The following BTBD8 variants were observed in gnomAD, a reference collection of about 807,000 sequenced individuals.
BTBD8 encodes BTB domain containing 8.
A neutral mutation model predicts 162.9 loss-of-function variants in BTBD8; 110 were observed. The ratio of observed to expected loss-of-function variants is 0.68; its 90% CI spans 0.58 to 0.79. BTBD8 has a LOEUF of 0.79. BTBD8 is among the 30% of genes least tolerant of loss of function. BTBD8 has a pLI of 0.00. For missense variants in BTBD8, 1,905 were observed against 2,085.4 expected (o/e 0.91, Z 1.68); for synonymous variants, 667 against 716.1 (o/e 0.93, Z 1.10).
rs77866390 is a variant in BTBD8, at chr1:92,168,457, A to G, written c.1444-409A>G. Among the ~76,000 whole-genome samples, 166 of 152,322 alleles carry G rather than the reference A, an allele frequency of 1.1e-3. 1 individual carries two copies. In the East Asian group the frequency reaches 0.031, roughly 28 times the overall value. On this transcript the variant is annotated intron_variant, in intron 11 of 17. Coordinates refer to ENST00000636805, the MANE Select transcript of BTBD8 (RefSeq NM_001376131.1). ...GCAAAATTAAAATATTTATTTTTAA[A>G]TACAATTAATCAGTGGCCATTAATT... is the stretch of plus-strand genomic sequence containing the variant.
chr1:92,117,992 G>T (rs917519658), intron 4 of BTBD8, among the ~76,000 whole-genome samples: 1 of 151,932 alleles, frequency 6.6e-6, no homozygotes, highest in Admixed American at 6.6e-5. Flanking sequence ...TTTTTTCTTA[G>T]TTGGCCTTAT....
intron 9 of BTBD8, among the ~76,000 whole-genome samples, chr1:92,163,339 AGAG>A (rs1259420749): frequency 2.6e-4 from 5 of 19,194 alleles, no homozygotes; most frequent in African/African-American, 8.4e-4. Flanking sequence ...TGGGCAACAG[AGAG>A]AGATTCTGTC....
chr1:92,115,207 C>A, intron 4 of BTBD8: 1 of 513,222 alleles, frequency 1.9e-6, no homozygotes, highest in African/African-American at 2.0e-5. Context: ...CTGGAGAGCC[C>A]CATAGCCATC....
intron 17 of BTBD8, 24 bp downstream of exon 17, chr1:92,182,619 TA>T: frequency 1.5e-6 from 2 of 1,359,352 alleles, no homozygotes; most frequent in Non-Finnish European, 1.9e-6. Flanking sequence ...ATAGAAATGC[TA>T]AATGCATAAG....
At chr1:92,110,292 T>C (rs537783806) in intron 4 of BTBD8, among the ~76,000 whole-genome samples, 1 of 152,308 alleles carries the variant, frequency 6.6e-6, no homozygotes, top group Admixed American at 6.5e-5. Flanking sequence ...TTTAATTCCA[T>C]GTCCACCATT....
At chr1:92,089,761 C>T (rs945488840) in intron 2 of BTBD8, among the ~76,000 whole-genome samples, 1 of 152,160 alleles carries the variant, frequency 6.6e-6, no homozygotes, top group Non-Finnish European at 1.5e-5. Flanking sequence ...CTCTTCATAC[C>T]ACCACATTGG....
At chr1:92,115,114 C>T (rs143308588) in intron 4 of BTBD8, 12 of 455,950 alleles carry the variant, frequency 2.6e-5, no homozygotes, top group East Asian at 2.3e-4. Flanking sequence ...TGAAAGGCCA[C>T]GCCATTGAGC....
chr1:92,166,417 TTTC>T (rs1384485438), intron 9 of BTBD8, among the ~76,000 whole-genome samples: 4 of 111,760 alleles, frequency 3.6e-5, no homozygotes, highest in Non-Finnish European at 7.3e-5. Context: ...CTACTTTTCT[TTTC>T]TTTCTTTTTT....
intron 9 of BTBD8, among the ~76,000 whole-genome samples, chr1:92,160,942 C>G (rs138629031): frequency 6.8e-4 from 104 of 152,296 alleles, no homozygotes; most frequent in South Asian, 1.7e-3. Context: ...AATCAGTCAT[C>G]TAGGCAACCC....
intron 4 of BTBD8, among the ~76,000 whole-genome samples, chr1:92,123,268 A>G (rs1649264984): frequency 6.6e-6 from 1 of 152,200 alleles, no homozygotes; most frequent in Admixed American, 6.5e-5. Context: ...AAGTGACATC[A>G]TGTTGCCTGA....
intron 3 of BTBD8, among the ~76,000 whole-genome samples, chr1:92,106,656 GTC>G (rs1648734501): frequency 2.5e-5 from 1 of 40,560 alleles, no homozygotes; most frequent in African/African-American, 1.2e-4. Context: ...GTAAGACTCT[GTC>G]TCAAAAAAAA....
chr1:92,118,288 T>C (rs1000305082), intron 4 of BTBD8, among the ~76,000 whole-genome samples: 5 of 147,030 alleles, frequency 3.4e-5, no homozygotes, highest in African/African-American at 1.3e-4. Context: ...CTTTCTTTTT[T>C]TTTTTTTTTT....
intron 3 of BTBD8, among the ~76,000 whole-genome samples, chr1:92,106,132 T>C (rs751683548): frequency 5.3e-5 from 8 of 152,234 alleles, no homozygotes; most frequent in Non-Finnish European, 1.2e-4. Flanking sequence ...ACCTTGGGCA[T>C]TGATGCCAGT....
intron 10 of BTBD8, 99 bp downstream of exon 10, chr1:92,167,239 A>G: frequency 1.4e-6 from 2 of 1,388,664 alleles, no homozygotes; most frequent in Non-Finnish European, 1.9e-6. Context: ...TGATTAAATT[A>G]ATGTGATTTA....
At chr1:92,125,369 C>A in intron 4 of BTBD8, 1 of 226,722 alleles carries the variant, frequency 4.4e-6, no homozygotes, top group South Asian at 6.6e-5. Flanking sequence ...GCTCTACCTC[C>A]AGAAGCACAA....
At chr1:92,142,347 A>T (rs1649797299) in intron 7 of BTBD8, among the ~76,000 whole-genome samples, 1 of 152,322 alleles carries the variant, frequency 6.6e-6, no homozygotes, top group Non-Finnish European at 1.5e-5. Flanking sequence ...ATCTGCAATG[A>T]GGAGATGATG....
chr1:92,180,526 C>A lies in BTBD8; in HGVS notation c.2843C>A (p.Ser948Ter), dbSNP rs1282558817. The A allele has an allele frequency of 1.3e-5, 20 of 1,551,464 alleles. No individual in the cohort carries two copies. Among genetic ancestry groups the A allele is most frequent in the Non-Finnish European group, 1.5e-5 (17 of 1,146,936 alleles). ...KQKMPPGQVI[S>*]KTQPSSQRPL... is the part of the protein sequence containing the mutation. ...AAAATGCCTCCTGGACAGGTTATATCAAAAACTCAGCCTTCCTCCCAAAGA... is the reference window on the plus strand; with the variant it reads ...AAAATGCCTCCTGGACAGGTTATATAAAAAACTCAGCCTTCCTCCCAAAGA... The change falls in exon 17 of 18, where the codon TCA (serine) becomes TAA (stop). Residue 948 changes from serine (S) to a stop codon, truncating the protein, a stop_gained. Coordinates refer to ENST00000636805, the MANE Select transcript of BTBD8 (RefSeq NM_001376131.1). LOFTEE classifies it high-confidence loss of function.
intron 9 of BTBD8, among the ~76,000 whole-genome samples, chr1:92,165,343 C>T (rs1426023425): frequency 6.6e-6 from 1 of 152,094 alleles, no homozygotes; most frequent in African/African-American, 2.4e-5. Context: ...ATTGAACATA[C>T]AGCCCAGTGA....
intron 4 of BTBD8, among the ~76,000 whole-genome samples, chr1:92,126,849 A>G (rs932701715): frequency 2.0e-5 from 3 of 152,062 alleles, no homozygotes; most frequent in Non-Finnish European, 4.4e-5. Context: ...GCATATTTAG[A>G]CTGTGGCTAT....
Sources: gnomAD v4.1 joint callset for allele counts (sites outside exome capture counted in the v4.1 genomes callset) on GRCh38, gnomAD v4.1.1 for gene constraint, MANE v1.5 for transcripts, NCBI Gene and HGNC (gene_info 2026-07-23, HGNC 2026-07-21) for gene names.